Variants in MPPED2 observed in about 807,000 individuals in gnomAD.
MPPED2 encodes metallophosphoesterase domain containing 2, also known as metallophosphoesterase MPPED2.
In MPPED2, 5 loss-of-function variants were observed where a neutral mutation model predicts 33.0. The observed-to-expected ratio is 0.15, with a 90% CI of 0.08 to 0.32. The LOEUF (loss-of-function observed/expected upper bound fraction) is 0.32, where lower values mean the gene tolerates loss of function less well. MPPED2 is among the 10% of genes least tolerant of loss of function. The pLI is 1.00. For synonymous variants in MPPED2, 136 were observed against 141.9 expected (o/e 0.96, Z 0.29); for missense variants, 275 against 372.1 (o/e 0.74, Z 2.15).
At chr11:30,565,071 T>A (rs921171168) in intron 2 of MPPED2, among the ~76,000 whole-genome samples, 1 of 152,118 alleles carries the variant, frequency 6.6e-6, no homozygotes, top group African/African-American at 2.4e-5. Context: ...AAAAAATGGG[T>A]AGAGAAATCC....
At chr11:30,586,938 A>T (rs1957487618), upstream of MPPED2, 1 of 152,150 alleles carries the variant, frequency 6.6e-6, no homozygotes. The surrounding 1 kb of genome is among the most constrained non-coding windows in gnomAD (Gnocchi z 4.8). Context: ...AGACACACAC[A>T]CACACACACA....
At chr11:30,413,581 T>A (rs956276736) in intron 6 of MPPED2, among the ~76,000 whole-genome samples, 8 of 152,180 alleles carry the variant, frequency 5.3e-5, no homozygotes, top group African/African-American at 1.7e-4. Flanking sequence ...CTGGACCAGT[T>A]CCTATTTAAG....
At chr11:30,465,500 T>C (rs970695767) in intron 4 of MPPED2, among the ~76,000 whole-genome samples, 1 of 152,212 alleles carries the variant, frequency 6.6e-6, no homozygotes, top group African/African-American at 2.4e-5. Context: ...CCATGTTGCA[T>C]AGTCTGGTCT....
At chr11:30,402,906 C>T (rs181058331) in intron 6 of MPPED2, among the ~76,000 whole-genome samples, 302 of 152,314 alleles carry the variant, frequency 2.0e-3, no homozygotes, top group African/African-American at 6.9e-3. Flanking sequence ...TCCACTGCAG[C>T]TTACGATTAG....
intron 4 of MPPED2, among the ~76,000 whole-genome samples, chr11:30,435,948 A>G (rs529857772): frequency 6.6e-6 from 1 of 152,246 alleles, no homozygotes; most frequent in South Asian, 2.1e-4. Context: ...TCAGGAACCA[A>G]GAGACCTGGG....
At chr11:30,388,962 G>A in intron 6 of MPPED2, 2 of 1,557,270 alleles carry the variant, frequency 1.3e-6, no homozygotes, top group Admixed American at 1.9e-5. Flanking sequence ...GTTTACTAAA[G>A]GGGAGAGAGA....
intron 4 of MPPED2, among the ~76,000 whole-genome samples, chr11:30,428,118 G>T (rs1242761199): frequency 6.6e-6 from 1 of 152,004 alleles, no homozygotes; most frequent in Non-Finnish European, 1.5e-5. Context: ...TCCATATGTG[G>T]CAATAAAAAA....
At chr11:30,527,948 C>T (rs574382838) in intron 3 of MPPED2, among the ~76,000 whole-genome samples, 3 of 152,214 alleles carry the variant, frequency 2.0e-5, no homozygotes, top group South Asian at 2.1e-4. Context: ...CATTGGGTCT[C>T]CTTTATCTTA....
chr11:30,526,887 CTATTTTTTTT>C (rs1187290797), intron 3 of MPPED2, among the ~76,000 whole-genome samples: 1 of 151,742 alleles, frequency 6.6e-6, no homozygotes, highest in Non-Finnish European at 1.5e-5. Flanking sequence ...TCTCTATTTT[CTATTTTTTTT>C]TATTTTTTTA....
intron 3 of MPPED2, among the ~76,000 whole-genome samples, chr11:30,499,342 T>A (rs73457706): frequency 0.054 from 8,272 of 152,246 alleles, 738 homozygotes; most frequent in African/African-American, 0.19. Flanking sequence ...TTTTGGAATA[T>A]TTGTGTTACA....
intron 2 of MPPED2, among the ~76,000 whole-genome samples, chr11:30,558,887 C>T (rs1204039014): frequency 6.6e-6 from 1 of 152,072 alleles, no homozygotes; most frequent in Non-Finnish European, 1.5e-5. Flanking sequence ...AAACCTGGTC[C>T]TCCTCATTTG....
chr11:30,424,134 T>G (rs1490488517), intron 4 of MPPED2, among the ~76,000 whole-genome samples: 3 of 152,224 alleles, frequency 2.0e-5, no homozygotes, highest in African/African-American at 7.2e-5. Context: ...CAAGGCTGCT[T>G]AGCCAGCTAG....
intron 4 of MPPED2, chr11:30,452,086 G>A (rs1398359265): frequency 3.0e-6 from 3 of 985,388 alleles, no homozygotes; most frequent in Non-Finnish European, 3.6e-6. Context: ...TGTGGTCACT[G>A]TGGAAAGAAA....
intron 3 of MPPED2, among the ~76,000 whole-genome samples, chr11:30,510,448 T>C (rs532906073): frequency 6.6e-6 from 1 of 152,310 alleles, no homozygotes; most frequent in African/African-American, 2.4e-5. Context: ...CATTTGCTTA[T>C]CCTCAGCCAA....
At chr11:30,431,216 C>A (rs1949064204) in intron 4 of MPPED2, among the ~76,000 whole-genome samples, 1 of 152,140 alleles carries the variant, frequency 6.6e-6, no homozygotes, top group African/African-American at 2.4e-5. Flanking sequence ...GACTAGAGAC[C>A]AGCCTCTGTC....
At chr11:30,542,249 T>C (rs954112649) in intron 2 of MPPED2, among the ~76,000 whole-genome samples, 2 of 152,132 alleles carry the variant, frequency 1.3e-5, no homozygotes, top group Admixed American at 6.5e-5. Flanking sequence ...AGTTTTGCCC[T>C]GAAAAACAAC....
At chr11:30,539,529 C>A (rs1954986921) in intron 2 of MPPED2, among the ~76,000 whole-genome samples, 1 of 152,158 alleles carries the variant, frequency 6.6e-6, no homozygotes, top group South Asian at 2.1e-4. Context: ...GCATCTCGTT[C>A]AATGTTTTAC....
At chr11:30,563,860 G>A (rs899415712) in intron 2 of MPPED2, among the ~76,000 whole-genome samples, 1 of 152,190 alleles carries the variant, frequency 6.6e-6, no homozygotes, top group Non-Finnish European at 1.5e-5. Flanking sequence ...ATTGCTATGT[G>A]TGGGTATCCC....
In MPPED2 at chr11:30,480,246, C is replaced by T. The variant is rs1217446586; in HGVS notation, c.536+15050G>A. 2.6e-5 allele frequency among the ~76,000 whole-genome samples: 4 copies of T among 152,162 alleles called. 1 individual carries two copies. The highest frequency in any genetic ancestry group is 4.2e-4 in the South Asian group (2 of 4,814). On this transcript the variant is annotated intron_variant, in intron 4 of 6. Transcript: ENST00000358117. ...CCCAACCAGTGAAACAGCCTAGACG[C>T]TCTGCATACACACAAAAGAAATAAA... is the stretch of plus-strand genomic sequence containing the variant.
Sources: allele counts gnomAD v4.1 joint callset (sites outside exome capture counted in the v4.1 genomes callset), GRCh38; gene constraint gnomAD v4.1.1; non-coding constraint Gnocchi (gnomAD v3.1); transcripts MANE v1.5; gene names NCBI Gene and HGNC (gene_info 2026-07-23, HGNC 2026-07-21).